The following IKZF2 variants were observed in gnomAD, a reference collection of about 807,000 sequenced individuals.
IKZF2 encodes zinc finger protein Helios.
In IKZF2, 15 loss-of-function variants were observed where a neutral mutation model predicts 49.2. The ratio of observed to expected loss-of-function variants is 0.30; its 90% confidence interval spans 0.20 to 0.47. The LOEUF (loss-of-function observed/expected upper bound fraction) is 0.47, where lower values mean the gene tolerates loss of function less well. Ranked by LOEUF, IKZF2 falls within the 20% of genes least tolerant of loss-of-function variation. IKZF2 has a pLI of 1.00. For missense variants in IKZF2, 567 were observed against 664.6 expected (o/e 0.85, Z 1.61); for synonymous variants, 227 against 221.4 (o/e 1.03, Z -0.23).
chr2:213,145,690 A>C (rs1036587290), intron 4 of IKZF2, among the ~76,000 whole-genome samples: 1 of 152,080 alleles, frequency 6.6e-6, no homozygotes, highest in African/African-American at 2.4e-5. Flanking sequence ...GGTAACCTAG[A>C]TACTGTAAAT....
upstream of IKZF2, among the ~76,000 whole-genome samples, chr2:213,151,966 G>T (rs2061295899): frequency 6.6e-6 from 1 of 151,674 alleles, no homozygotes; most frequent in Non-Finnish European, 1.5e-5. Flanking sequence ...GCTCCGCGAC[G>T]CGCGCACTCC....
At chr2:213,024,508 G>T (rs180749165) in intron 6 of IKZF2, among the ~76,000 whole-genome samples, 1 of 152,258 alleles carries the variant, frequency 6.6e-6, no homozygotes, top group East Asian at 1.9e-4. Context: ...AAGAATGGTG[G>T]TGTAGTATAA....
chr2:213,090,976 C>T (rs1048944153), intron 4 of IKZF2, among the ~76,000 whole-genome samples: 15 of 152,052 alleles, frequency 9.9e-5, no homozygotes, highest in Non-Finnish European at 2.2e-4. Flanking sequence ...TTAATACAGG[C>T]TCAGATGAGA....
intron 5 of IKZF2, among the ~76,000 whole-genome samples, chr2:213,055,355 A>C (rs1701042609): frequency 6.6e-6 from 1 of 152,094 alleles, no homozygotes; most frequent in Admixed American, 6.6e-5. Flanking sequence ...ATAGATACCA[A>C]GCTTGATCTT....
In IKZF2 at chr2:213,099,370, CT is replaced by C. The variant is rs955285521; in HGVS notation, c.140-42272del. 2.6e-5 allele frequency among the ~76,000 whole-genome samples: 4 copies of C among 152,024 alleles called. No homozygotes were observed. The East Asian group carries it at 7.7e-4, about 29-fold the overall frequency. ...CCATTTAAAAATCACATCTCATCTG[CT>C]TTTTTTGAAAAGGGATTCTTTCTTA... On this transcript the variant is annotated intron_variant, in intron 4 of 8. Transcript: ENST00000434687.
chr2:213,041,447 C>T (rs1015072170), intron 6 of IKZF2, among the ~76,000 whole-genome samples: 5 of 151,892 alleles, frequency 3.3e-5, no homozygotes, highest in South Asian at 2.1e-4. Context: ...GGACTACAGG[C>T]GTGTGCTATC....
chr2:213,128,187 C>T (rs1486051818), intron 4 of IKZF2, among the ~76,000 whole-genome samples: 1 of 152,068 alleles, frequency 6.6e-6, no homozygotes, highest in Non-Finnish European at 1.5e-5. Context: ...GGTTGGTATT[C>T]ATTAATTTTC....
At chr2:213,137,154 A>T (rs1257115149) in intron 4 of IKZF2, among the ~76,000 whole-genome samples, 1 of 152,110 alleles carries the variant, frequency 6.6e-6, no homozygotes, top group Non-Finnish European at 1.5e-5. Context: ...ATTAAATCTA[A>T]AACTATCATT....
At chr2:213,099,139 T>C (rs1706342852) in intron 4 of IKZF2, among the ~76,000 whole-genome samples, 1 of 152,162 alleles carries the variant, frequency 6.6e-6, no homozygotes, top group South Asian at 2.1e-4. Context: ...CTGAGTTTAT[T>C]CATATACTGA....
chr2:213,110,484 C>T (rs1487144233), intron 4 of IKZF2, among the ~76,000 whole-genome samples: 2 of 151,582 alleles, frequency 1.3e-5, no homozygotes, highest in African/African-American at 2.4e-5. Context: ...CGAAATCTTT[C>T]CATATTCATG....
chr2:213,089,605 G>C (rs551998827), intron 4 of IKZF2, among the ~76,000 whole-genome samples: 4 of 152,240 alleles, frequency 2.6e-5, no homozygotes, highest in African/African-American at 9.6e-5. Context: ...CACTGCTTTT[G>C]TAATAGAACA....
At chr2:213,141,179 G>A (rs925349630) in intron 4 of IKZF2, among the ~76,000 whole-genome samples, 14 of 151,934 alleles carry the variant, frequency 9.2e-5, no homozygotes, top group Non-Finnish European at 1.5e-4. Flanking sequence ...TCTACTTTAA[G>A]ATGCTAAATA....
rs1453965637 is a variant in IKZF2 at position 213,124,250 on chromosome 2, GCGCACACACACACACACACA to G, written c.139+23438_139+23457del. Among the ~76,000 whole-genome samples, 368 of 93,562 alleles carry G rather than the reference GCGCACACACACACACACACA, an allele frequency of 3.9e-3. 4 individuals carry two copies. The highest frequency in any genetic ancestry group is 0.018 in the African/African-American group (314 of 17,200). The allele number at this position is 93,562 out of a possible 152,430, so 61.4% of individuals were successfully genotyped here. On this transcript the variant is annotated intron_variant, in intron 4 of 8. Coordinates refer to ENST00000434687, the MANE Select transcript of IKZF2 (RefSeq NM_001387220.1). ...CACGCACACATGCGCTCGCGCGCGC[GCGCACACACACACACACACA>G]CACACACACACACACACACACACAC...
At chr2:213,127,823 T>C (rs1037749371) in intron 4 of IKZF2, among the ~76,000 whole-genome samples, 27 of 152,162 alleles carry the variant, frequency 1.8e-4, no homozygotes, top group African/African-American at 6.3e-4. Context: ...TCCACCCAAT[T>C]AACTAACTTA....
chr2:213,095,723 A>G (rs1705898321), intron 4 of IKZF2, among the ~76,000 whole-genome samples: 1 of 152,078 alleles, frequency 6.6e-6, no homozygotes, highest in Non-Finnish European at 1.5e-5. Flanking sequence ...TGAACAAATT[A>G]ACATTTCAGT....
intron 4 of IKZF2, chr2:213,098,065 T>C (rs1706229092): frequency 1.0e-5 from 2 of 198,672 alleles, no homozygotes; most frequent in East Asian, 1.2e-4. Flanking sequence ...TATCATTCTA[T>C]ATCCATGGCT....
intron 4 of IKZF2, among the ~76,000 whole-genome samples, chr2:213,062,905 G>A (rs1701838677): frequency 1.3e-5 from 2 of 151,916 alleles, no homozygotes; most frequent in South Asian, 4.1e-4. Context: ...AAAACAAAGT[G>A]CCTTCAAAAC....
intron 4 of IKZF2, among the ~76,000 whole-genome samples, chr2:213,141,950 T>C (rs1276880869): frequency 6.6e-6 from 1 of 152,006 alleles, no homozygotes; most frequent in Non-Finnish European, 1.5e-5. Flanking sequence ...TCTAAACTAC[T>C]ACCCCCGAAG....
intron 4 of IKZF2, among the ~76,000 whole-genome samples, chr2:213,063,700 G>A (rs982974072): frequency 6.6e-6 from 1 of 151,934 alleles, no homozygotes; most frequent in Non-Finnish European, 1.5e-5. Flanking sequence ...TTGTTAAGTG[G>A]CTATTGAAAG....
Sources: allele counts gnomAD v4.1 joint callset (sites outside exome capture counted in the v4.1 genomes callset), GRCh38; gene constraint gnomAD v4.1.1; transcripts MANE v1.5; gene names NCBI Gene and HGNC (gene_info 2026-07-23, HGNC 2026-07-21).